Variants in CUL4B observed in about 807,000 individuals in gnomAD.
The protein encoded by CUL4B is cullin-4B.
CUL4B carries 1 observed loss-of-function variant against 69.2 expected under a neutral mutation model. That is an observed-to-expected ratio of 0.01 (90% CI 0.01 to 0.07). CUL4B has a LOEUF of 0.07. CUL4B is among the 10% of genes least tolerant of loss of function. The pLI is 1.00. For synonymous variants in CUL4B, 237 were observed against 223.2 expected, an observed-to-expected ratio of 1.06 and a Z score of -0.55; for missense variants, 328 against 638.8, an observed-to-expected ratio of 0.51 and a Z score of 5.24.
At chrX:120,541,091 T>C (rs1283615187) in intron 10 of CUL4B, among the ~76,000 whole-genome samples, 1 of 112,627 alleles carries the variant, frequency 8.9e-6, no homozygotes, top group African/African-American at 3.2e-5. Context: ...GAGACAGAAA[T>C]TATGTCAGCC....
At chrX:120,569,362 T>C (rs1027299075), downstream of CUL4B, among the ~76,000 whole-genome samples, 20 of 97,961 alleles carry the variant, frequency 2.0e-4, no homozygotes, top group African/African-American at 7.3e-4. Context: ...GGGAAGTTTC[T>C]TTTTTTTTTT....
chrX:120,573,544 ATGT>A (rs1347273176), intron 2 of CUL4B, among the ~76,000 whole-genome samples: 1 of 112,192 alleles, frequency 8.9e-6, no homozygotes, highest in Non-Finnish European at 1.9e-5. Flanking sequence ...CCCTTCAAAA[ATGT>A]TGTGCCAACA....
At chrX:120,552,428 G>A (rs939479606) in intron 2 of CUL4B, among the ~76,000 whole-genome samples, 16 of 112,704 alleles carry the variant, frequency 1.4e-4, no homozygotes, top group African/African-American at 5.2e-4. Context: ...GATTTCAGGC[G>A]TCAGCCACCG....
Position 120,544,618 on chromosome X carries a change from C to A in CUL4B, c.946G>T (p.Ala316Ser). The A allele has an allele frequency of 1.7e-6, 2 of 1,207,384 alleles. No individual in the cohort carries two copies. Among genetic ancestry groups the A allele is most frequent in the Non-Finnish European group, 2.2e-6 (2 of 891,990 alleles). Residue 316 changes from alanine to serine, a missense_variant, in exon 6 of 20, where the codon GCT (alanine) becomes TCT (serine). Coordinates refer to ENST00000371322, the MANE Select transcript of CUL4B (RefSeq NM_001079872.2). ...IWDMGLELFRAHIISDQKVQN... is the reference protein window; with the variant it reads ...IWDMGLELFRSHIISDQKVQN... ...ACTTTCTGATCACTTATAATATGAG[C>A]CCTAAATAACTCCAGTCCCATGTCC...
At chrX:120,556,913 AT>A (rs72098040) in intron 2 of CUL4B, among the ~76,000 whole-genome samples, 1,957 of 24,733 alleles carry the variant, frequency 0.079, 36 homozygotes, top group East Asian at 0.25. Flanking sequence ...GTATATATAT[AT>A]TTTTTTTTTT....
chrX:120,560,981 C>T, upstream of CUL4B: 8 of 753,519 alleles, frequency 1.1e-5, no homozygotes, highest in Non-Finnish European at 1.3e-5. Context: ...GCAGCTCCTC[C>T]TCCTTTTCTC....
rs768175107 is a variant in CUL4B, at chrX:120,532,377, G to A, written c.2439+45C>T. On this transcript the variant is annotated intron_variant, in intron 18 of 19. Coordinates refer to ENST00000371322, the MANE Select transcript of CUL4B (RefSeq NM_001079872.2). ...CTTTATATATTTTGATTATTAACAT[G>A]TATAATTCCAGTGTGTTAGGACTAA... 4.0e-6 allele frequency: 4 copies of A among 994,144 alleles called. No individual in the cohort carries two copies. In the South Asian group the frequency reaches 7.7e-5, roughly 19 times the overall value. The allele number at this position is 994,144 out of a possible 1,213,427, so 81.9% of individuals were successfully genotyped here.
intron 2 of CUL4B, among the ~76,000 whole-genome samples, chrX:120,556,913 A>T (rs79448556): frequency 0.067 from 1,654 of 24,747 alleles, 43 homozygotes; most frequent in African/African-American, 0.18. Context: ...GTATATATAT[A>T]TTTTTTTTTT....
rs2147313287 is a variant in CUL4B, at chrX:120,525,089, T to C, written c.*1672A>G. 8.9e-6 allele frequency: 1 copy of C among 112,266 alleles called. No individual in the cohort carries two copies. Among genetic ancestry groups the C allele is most frequent in the Admixed American group, 9.6e-5 (1 of 10,444 alleles). The allele number at this position is 112,266 out of a possible 1,213,427, so 9.3% of individuals were successfully genotyped here. A position where few individuals can be genotyped will look rare whatever the true frequency, so the allele number is the denominator to read the frequency against. ...AAATCAGTGAGGAGCTGAGAAAATA[T>C]AGGCAATGGCTGCTCAATAAGAATT... On this transcript the variant is annotated 3_prime_UTR_variant, in exon 20 of 20. Transcript: ENST00000371322.
chrX:120,546,243 G>C lies in CUL4B; in HGVS notation c.846+304C>G, dbSNP rs752042728. Among the ~76,000 whole-genome samples the C allele has an allele frequency of 1.0e-4, 11 of 110,186 alleles. 1 individual carries two copies. In the South Asian group the frequency reaches 3.9e-3, roughly 39 times the overall value. ...AGGAACTTGGGAGGAAGAGTGGGAG[G>C]GGGGCGAGGGATAAAAGACTACAAT... On this transcript the variant is annotated intron_variant, in intron 4 of 19. Coordinates refer to ENST00000371322, the MANE Select transcript of CUL4B (RefSeq NM_001079872.2).
At chrX:120,544,449 G>C in intron 6 of CUL4B, 32 bp downstream of exon 6, 2 of 1,200,735 alleles carry the variant, frequency 1.7e-6, no homozygotes, top group Non-Finnish European at 2.3e-6. Flanking sequence ...ATAGCAATCA[G>C]CTCTGTATAG....
chrX:120,544,481 T>C lies in CUL4B; in HGVS notation c.1083A>G (p.Gln361=), dbSNP rs1268468467. ...RSLLSMLSDL[Q]IYQDSFEQRF... ...ATAGTAGGTGTAGTAGTTAACTTAC[T>C]TGCAAATCAGACAGCATGCTTAAAA... is the stretch of plus-strand genomic sequence containing the variant. Residue 361 remains glutamine, a splice_region_variant and synonymous_variant, in exon 6 of 20, where the codon CAA becomes CAG. Transcript: ENST00000371322. 6.6e-6 allele frequency: 8 copies of C among 1,209,175 alleles called. No individual in the cohort carries two copies. The Admixed American group carries it at 1.1e-4, about 17-fold the overall frequency.
intron 10 of CUL4B, among the ~76,000 whole-genome samples, chrX:120,541,249 C>T (rs1304879799): frequency 8.9e-6 from 1 of 112,400 alleles, no homozygotes; most frequent in Non-Finnish European, 1.9e-5. Flanking sequence ...CCTGTAATCC[C>T]AGCACTTTGG....
chrX:120,544,632 A>T lies in CUL4B; in HGVS notation c.932T>A (p.Leu311Gln), dbSNP rs1295817601. The change falls in exon 6 of 20, where the codon CTG (leucine) becomes CAG (glutamine). Residue 311 changes from leucine (L) to glutamine (Q), a missense_variant. Transcript: ENST00000371322. ...SMLPSIWDMG[L>Q]ELFRAHIISD... The stretch of plus-strand genomic sequence containing the variant: ...TATAATATGAGCCCTAAATAACTCC[A>T]GTCCCATGTCCCTAAAATAAAAAAC... The T allele has an allele frequency of 8.3e-7, 1 of 1,203,606 alleles. No individual in the cohort carries two copies. Among genetic ancestry groups the T allele is most frequent in the Non-Finnish European group, 1.1e-6 (1 of 889,730 alleles).
At position 120,526,403 on chromosome X, in the gene CUL4B, A is replaced by T. The variant is rs1922969512; in HGVS notation, c.*358T>A. On this transcript the variant is annotated 3_prime_UTR_variant, in exon 20 of 20. Coordinates refer to ENST00000371322, the MANE Select transcript of CUL4B (RefSeq NM_001079872.2). Reference sequence around the variant, plus strand: ...CTTTAAATGACATTTTAAGCAAATAAACCTTTTGCTTCATAATTAATGGTG... The same window carrying T: ...CTTTAAATGACATTTTAAGCAAATATACCTTTTGCTTCATAATTAATGGTG... 5.8e-6 allele frequency: 1 copy of T among 171,726 alleles called. No individual in the cohort carries two copies. Among genetic ancestry groups the T allele is most frequent in the African/African-American group, 3.1e-5 (1 of 32,237 alleles). 14.2% of individuals were successfully genotyped at this position (171,726 alleles called of 1,213,427 possible).
At chrX:120,540,919 A>T (rs1244606495) in intron 10 of CUL4B, among the ~76,000 whole-genome samples, 1 of 112,828 alleles carries the variant, frequency 8.9e-6, no homozygotes, top group Non-Finnish European at 1.9e-5. Flanking sequence ...ATATGATATC[A>T]TAACAGGGTA....
Position 120,557,975 on chromosome X carries a change from T to G in CUL4B, c.621A>C (p.Glu207Asp). Residue 207 changes from glutamate to aspartate, a missense_variant, in exon 2 of 20, where the codon GAA becomes GAC. This residue lies in a region of CUL4B where 126 missense variants were observed against 202.5 expected (regional missense o/e 0.62). Transcript: ENST00000371322. ...ETWQKLKEAVEAIQNSTSIKY... is the reference protein window; with the variant it reads ...ETWQKLKEAVDAIQNSTSIKY... ...TAATTGAAGTACTATTCTGAATAGC[T>G]TCCACTGCTTCTTTCAGTTTTTGCC... 1 of 1,208,511 alleles carries G rather than the reference T, an allele frequency of 8.3e-7. No individual in the cohort carries two copies. The highest frequency in any genetic ancestry group is 1.8e-5 in the South Asian group (1 of 56,829).
intron 14 of CUL4B, 38 bp from the exon 15 acceptor site, chrX:120,537,072 C>T: frequency 1.1e-6 from 1 of 938,470 alleles, no homozygotes; most frequent in Admixed American, 2.2e-5. Context: ...GATCTTAAAA[C>T]TGCATACATT....
At chrX:120,564,497 T>C (rs1925433707), upstream of CUL4B, among the ~76,000 whole-genome samples, 1 of 110,485 alleles carries the variant, frequency 9.1e-6, no homozygotes, top group South Asian at 3.8e-4. Context: ...TCCCAACTAC[T>C]CGGGAGGATA....
Sources: gnomAD v4.1 joint callset for allele counts (sites outside exome capture counted in the v4.1 genomes callset) on GRCh38, gnomAD v4.1.1 for gene constraint, gnomAD v4.1.1 regional missense constraint, MANE v1.5 for transcripts, NCBI Gene and HGNC (gene_info 2026-07-23, HGNC 2026-07-21) for gene names.